BTLA: variants seen among roughly 807,000 people sequenced by gnomAD.
BTLA encodes B and T lymphocyte associated.
Under a neutral mutation model 25.0 loss-of-function variants are expected in BTLA, and 11 were observed. The observed-to-expected ratio is 0.44, with a 90% confidence interval of 0.28 to 0.73. The LOEUF (loss-of-function observed/expected upper bound fraction) is 0.73. Among genes scored for constraint, BTLA ranks in the 30% least tolerant of loss-of-function variants. The pLI is 0.15. For synonymous variants in BTLA, 104 were observed against 119.8 expected (o/e 0.87, Z 0.86); for missense variants, 282 against 332.8 (o/e 0.85, Z 1.19).
Position 112,465,442 on chromosome 3 carries a change from T to C in BTLA, c.*666A>G, listed in dbSNP as rs955433723. 9 of 152,698 alleles carry C rather than the reference T, an allele frequency of 5.9e-5. No individual in the cohort carries two copies. Among genetic ancestry groups the C allele is most frequent in the African/African-American group, 2.2e-4 (9 of 41,472 alleles). 9.5% of individuals were successfully genotyped at this position (152,698 alleles called of 1,614,324 possible). On this transcript the variant is annotated 3_prime_UTR_variant, in exon 5 of 5. Transcript: ENST00000334529. Reference sequence around the variant, plus strand: ...TGCTATACGTTGACTGCTCCATTAATACCTATATTTGCTTATCAATCTAAC... The same window carrying C: ...TGCTATACGTTGACTGCTCCATTAACACCTATATTTGCTTATCAATCTAAC...
chr3:112,494,644 T>C (rs186409873), intron 1 of BTLA, among the ~76,000 whole-genome samples: 47 of 152,178 alleles, frequency 3.1e-4, no homozygotes, highest in Non-Finnish European at 7.4e-5. Flanking sequence ...CTAAGCAAAC[T>C]AACACAGGAA....
chr3:112,464,396 T>C lies in BTLA; in HGVS notation c.*1712A>G, dbSNP rs1430910407. 1 of 364,048 alleles carries C rather than the reference T, an allele frequency of 2.7e-6. No homozygotes were observed. The highest frequency in any genetic ancestry group is 4.9e-6 in the Non-Finnish European group (1 of 203,442). The allele number at this position is 364,048 out of a possible 1,614,324, so 22.6% of individuals were successfully genotyped here. A position where few individuals can be genotyped will look rare whatever the true frequency, so the allele number is the denominator to read the frequency against. ...AATGTATCCTCCCCATATTTCCTGT[T>C]TCTATTTTTAAGAATACCACAAGCA... On this transcript the variant is annotated 3_prime_UTR_variant, in exon 5 of 5. Coordinates refer to ENST00000334529, the MANE Select transcript of BTLA (RefSeq NM_181780.4).
intron 1 of BTLA, among the ~76,000 whole-genome samples, chr3:112,487,528 T>C (rs2082355109): frequency 6.6e-6 from 1 of 151,546 alleles, no homozygotes; most frequent in Non-Finnish European, 1.5e-5. Context: ...GAGGTTGCGG[T>C]GAGCTGAGAT....
At chr3:112,489,916 T>G (rs1205607207) in intron 1 of BTLA, among the ~76,000 whole-genome samples, 1 of 152,128 alleles carries the variant, frequency 6.6e-6, no homozygotes, top group East Asian at 1.9e-4. Context: ...AATCTTCCCT[T>G]GAAATTAGAG....
chr3:112,479,606 A>C lies in BTLA; in HGVS notation c.252T>G (p.Asp84Glu). 1 of 1,614,136 alleles carries C rather than the reference A, an allele frequency of 6.2e-7. No homozygotes were observed. Residue 84 changes from aspartate (D) to glutamate (E), a missense_variant, in exon 2 of 5, where the codon GAT becomes GAG. Asp to Glu is a conservative substitution (Grantham distance 45). Around this residue, in one of 2 missense-constraint regions of BTLA, gnomAD observed 163 missense variants for 230.4 expected, o/e 0.71. Coordinates refer to ENST00000334529, the MANE Select transcript of BTLA (RefSeq NM_181780.4). ...TCTCTTCCTTCCAACTTGTTTGTCT[A>C]TCTTCAAGTTTTACACATGTTGTTC... ...LNGTTCVKLE[D>E]RQTSWKEEKN... is the part of the protein sequence containing the mutation.
chr3:112,468,841 G>A (rs1376036944), intron 4 of BTLA, among the ~76,000 whole-genome samples: 1 of 152,172 alleles, frequency 6.6e-6, no homozygotes, highest in Non-Finnish European at 1.5e-5. Context: ...GTCAAGTTGA[G>A]TGTATTTGGT....
intron 1 of BTLA, among the ~76,000 whole-genome samples, chr3:112,494,097 G>A (rs543608214): frequency 4.6e-5 from 7 of 151,722 alleles, no homozygotes; most frequent in Admixed American, 1.3e-4. Context: ...GCGACAGAGC[G>A]ACACTCTATC....
intron 2 of BTLA, among the ~76,000 whole-genome samples, chr3:112,473,602 TTTC>T (rs1042195748): frequency 6.7e-6 from 1 of 149,566 alleles, no homozygotes; most frequent in Non-Finnish European, 1.5e-5. Context: ...AAGTTCTTTT[TTTC>T]TTCTTCTTTT....
At chr3:112,481,453 C>T (rs1163233175) in intron 1 of BTLA, among the ~76,000 whole-genome samples, 2 of 152,232 alleles carry the variant, frequency 1.3e-5, no homozygotes, top group African/African-American at 4.8e-5. Flanking sequence ...TGCACCTGGG[C>T]TCACTTGAGC....
At chr3:112,490,520 A>G (rs2082373966) in intron 1 of BTLA, among the ~76,000 whole-genome samples, 1 of 152,002 alleles carries the variant, frequency 6.6e-6, no homozygotes, top group Admixed American at 6.6e-5. Context: ...AGGATGTAGT[A>G]TGCAATAGTA....
intron 4 of BTLA, 151 bp downstream of exon 4, chr3:112,469,607 G>GTGTGTATA (rs1277321074): frequency 3.4e-5 from 2 of 58,356 alleles, no homozygotes; most frequent in African/African-American, 1.4e-4. Context: ...ATGGGTCTAT[G>GTGTGTATA]TATATATATA....
At chr3:112,468,338 T>C (rs1179709147) in intron 4 of BTLA, among the ~76,000 whole-genome samples, 2 of 152,200 alleles carry the variant, frequency 1.3e-5, no homozygotes, top group Non-Finnish European at 1.5e-5. Flanking sequence ...CTGTCATGTT[T>C]ATACCAGTTC....
At chr3:112,469,629 A>ATATAGTACATAGAATATGTATATAC (rs1553730205) in intron 4 of BTLA, 129 bp downstream of exon 4, 11 of 127,954 alleles carry the variant, frequency 8.6e-5, no homozygotes, top group South Asian at 2.7e-4. Context: ...ATATATATAT[A>ATATAGTACATAGAATATGTATATAC]TATATATATA....
At chr3:112,466,477 C>G (rs541752516) in intron 4 of BTLA, 94 bp from the exon 5 acceptor site, 1 of 1,161,946 alleles carries the variant, frequency 8.6e-7, no homozygotes, top group African/African-American at 1.5e-5. Context: ...TAAATGGAGT[C>G]ATGTCCATTG....
intron 1 of BTLA, among the ~76,000 whole-genome samples, chr3:112,491,821 C>G (rs1210010181): frequency 7.3e-6 from 1 of 136,420 alleles, no homozygotes; most frequent in Admixed American, 7.8e-5. Context: ...TGAAAAATTA[C>G]CCCCAACAAC....
intron 2 of BTLA, among the ~76,000 whole-genome samples, chr3:112,472,340 G>GTTGTTGT (rs1314501114): frequency 6.6e-6 from 1 of 152,032 alleles, no homozygotes; most frequent in African/African-American, 2.4e-5. Flanking sequence ...TCTGGTTGTT[G>GTTGTTGT]TTGTTGTTGT....
rs1441011254 is a variant in BTLA at position 112,466,127 on chromosome 3, G to T, written c.851C>A (p.Ser284Tyr). Residue 284 changes from serine (S) to tyrosine (Y), a missense_variant, in exon 5 of 5, where the codon TCC becomes TAC. This residue lies in a region of BTLA where 119 missense variants were observed against 102.3 expected (regional missense o/e 1.16). Transcript: ENST00000334529. Reference protein sequence around the residue: ...NVKEAPTEYASICVRS With the variant: ...NVKEAPTEYAYICVRS ...ACAGACTTAACTCCTCACACATATG[G>T]ATGCATATTCTGTTGGTGCTTCTTT... is the stretch of plus-strand genomic sequence containing the variant. 1 of 1,602,366 alleles carries T rather than the reference G, an allele frequency of 6.2e-7. No homozygotes were observed. Among genetic ancestry groups the T allele is most frequent in the African/African-American group, 1.3e-5 (1 of 74,962 alleles).
At chr3:112,495,034 G>GA (rs936769362) in intron 1 of BTLA, among the ~76,000 whole-genome samples, 6 of 151,914 alleles carry the variant, frequency 3.9e-5, no homozygotes, top group African/African-American at 1.5e-4. Context: ...TGGACTAAAA[G>GA]AAAAAAAATT....
chr3:112,497,009 A>T (rs1193952653), intron 1 of BTLA, among the ~76,000 whole-genome samples: 1 of 152,226 alleles, frequency 6.6e-6, no homozygotes, highest in Non-Finnish European at 1.5e-5. Context: ...ACTAAAGGCT[A>T]GGGCCATGGC....
Sources: gnomAD v4.1 joint callset for allele counts (sites outside exome capture counted in the v4.1 genomes callset) on GRCh38, gnomAD v4.1.1 for gene constraint, gnomAD v4.1.1 regional missense constraint, MANE v1.5 for transcripts, NCBI Gene and HGNC (gene_info 2026-07-23, HGNC 2026-07-21) for gene names.